PID1: variants seen among roughly 807,000 people sequenced by gnomAD.
PID1 encodes the protein PTB-containing, cubilin and LRP1-interacting protein.
Under a neutral mutation model 19.1 loss-of-function variants are expected in PID1, and 10 were observed. The observed-to-expected ratio is 0.52, with a 90% confidence interval of 0.32 to 0.89. The LOEUF (loss-of-function observed/expected upper bound fraction) is 0.89. Ranked by LOEUF, PID1 falls within the 40% of genes least tolerant of loss-of-function variation. The probability of loss-of-function intolerance (pLI) is 0.03; values close to 1 mark genes in which losing one functional copy is unlikely to be tolerated. For synonymous variants in PID1, 130 were observed against 116.0 expected, an observed-to-expected ratio of 1.12 and a Z score of -0.78; for missense variants, 248 against 285.3, an observed-to-expected ratio of 0.87 and a Z score of 0.94.
chr2:229,124,997 G>A (rs550283850), intron 2 of PID1, among the ~76,000 whole-genome samples: 242 of 152,278 alleles, frequency 1.6e-3, no homozygotes, highest in African/African-American at 5.7e-3. Context: ...GTGAGTGTGT[G>A]TCTGTTGGTA....
intron 1 of PID1, among the ~76,000 whole-genome samples, chr2:229,231,559 G>A (rs1327722273): frequency 4.6e-5 from 7 of 152,014 alleles, no homozygotes; most frequent in East Asian, 1.9e-4. Flanking sequence ...TACAAGTGAC[G>A]ACGATAGAGC....
At chr2:229,048,384 A>C (rs946744961) in intron 2 of PID1, among the ~76,000 whole-genome samples, 3 of 152,154 alleles carry the variant, frequency 2.0e-5, no homozygotes, top group African/African-American at 7.2e-5. Context: ...GCCCAGGAGG[A>C]GGGAATCCTC....
chr2:229,232,160 A>C, intron 1 of PID1: 2 of 1,433,186 alleles, frequency 1.4e-6, no homozygotes, highest in Non-Finnish European at 1.8e-6. Flanking sequence ...GCAGTGGCTC[A>C]CGCCTGTAAT....
intron 1 of PID1, among the ~76,000 whole-genome samples, chr2:229,174,381 A>G (rs1258718456): frequency 6.6e-6 from 1 of 152,248 alleles, no homozygotes; most frequent in African/African-American, 2.4e-5. Context: ...AGAAAGAGAA[A>G]GAAGCATTAT....
intron 2 of PID1, among the ~76,000 whole-genome samples, chr2:229,139,987 C>T (rs78275986): frequency 0.012 from 1,798 of 152,148 alleles, 35 homozygotes; most frequent in African/African-American, 0.041. Flanking sequence ...ATTTTCTCCT[C>T]CTGAAACAAT....
chr2:229,131,980 A>G (rs1689751973), intron 2 of PID1, among the ~76,000 whole-genome samples: 1 of 152,168 alleles, frequency 6.6e-6, no homozygotes, highest in Admixed American at 6.5e-5. Context: ...GCTATCTTAG[A>G]AAAGAGCAAT....
rs1324873023 is a variant in PID1, at chr2:229,142,789, G to A, written c.177+13029C>T. Among the ~76,000 whole-genome samples the A allele has an allele frequency of 3.9e-5, 6 of 152,118 alleles. No homozygotes were observed. The East Asian group carries it at 9.7e-4, about 24-fold the overall frequency. On this transcript the variant is annotated intron_variant, in intron 2 of 2. Transcript: ENST00000392055. ...CACCCCTTGTGGAAGTCAGTATGGCGATTCCTCAGGGATCTAGAACTAGAA... is the reference window on the plus strand; with the variant it reads ...CACCCCTTGTGGAAGTCAGTATGGCAATTCCTCAGGGATCTAGAACTAGAA...
intron 2 of PID1, among the ~76,000 whole-genome samples, chr2:229,152,996 C>T (rs888933329): frequency 2.6e-5 from 4 of 152,120 alleles, no homozygotes; most frequent in Non-Finnish European, 5.9e-5. Context: ...TCCTGGGAGG[C>T]GTGAGCCCGA....
intron 2 of PID1, among the ~76,000 whole-genome samples, chr2:229,105,811 G>T (rs993189934): frequency 6.6e-6 from 1 of 152,212 alleles, no homozygotes; most frequent in Non-Finnish European, 1.5e-5. Flanking sequence ...TGGGCACAGT[G>T]GCTCACGCCT....
At position 229,128,989 on chromosome 2, in the gene PID1, C is replaced by T. The variant is rs144978664; in HGVS notation, c.177+26829G>A. 6.6e-5 allele frequency among the ~76,000 whole-genome samples: 10 copies of T among 152,270 alleles called. No individual in the cohort carries two copies. In the East Asian group the frequency reaches 1.7e-3, roughly 26 times the overall value. On this transcript the variant is annotated intron_variant, in intron 2 of 2. Coordinates refer to ENST00000392055, the MANE Select transcript of PID1 (RefSeq NM_001100818.2). ...TTCACATTGCATGCCTGTATCAAAACATCTCATGTACCCCATACATATACA... is the reference window on the plus strand; with the variant it reads ...TTCACATTGCATGCCTGTATCAAAATATCTCATGTACCCCATACATATACA...
At chr2:229,122,246 C>T (rs980227974) in intron 2 of PID1, among the ~76,000 whole-genome samples, 5 of 152,150 alleles carry the variant, frequency 3.3e-5, no homozygotes, top group East Asian at 1.9e-4. Flanking sequence ...GTTTTTACAC[C>T]ATTAACAATA....
intron 1 of PID1, among the ~76,000 whole-genome samples, chr2:229,236,996 A>ACG (rs1436354935): frequency 6.6e-6 from 1 of 150,816 alleles, no homozygotes; most frequent in Non-Finnish European, 1.5e-5. Flanking sequence ...ATACACACAC[A>ACG]CACACACACA....
chr2:229,254,398 T>A (rs2106286328), intron 1 of PID1, among the ~76,000 whole-genome samples: 1 of 152,330 alleles, frequency 6.6e-6, no homozygotes, highest in Non-Finnish European at 1.5e-5. Context: ...AAACTACAAC[T>A]AATGCTATTA....
At chr2:229,111,030 T>G (rs776613333) in intron 2 of PID1, among the ~76,000 whole-genome samples, 3 of 152,144 alleles carry the variant, frequency 2.0e-5, no homozygotes, top group Non-Finnish European at 2.9e-5. Flanking sequence ...TCTCATGAGA[T>G]CTGATGCTTT....
At chr2:229,118,907 A>G (rs536212664) in intron 2 of PID1, among the ~76,000 whole-genome samples, 1 of 152,340 alleles carries the variant, frequency 6.6e-6, no homozygotes, top group South Asian at 2.1e-4. Context: ...ATCTCTCAAG[A>G]GTAAGAGTCT....
At chr2:229,174,140 C>T (rs1690765444) in intron 1 of PID1, among the ~76,000 whole-genome samples, 1 of 152,176 alleles carries the variant, frequency 6.6e-6, no homozygotes, top group Non-Finnish European at 1.5e-5. Flanking sequence ...TCAGTGTTTG[C>T]TCAGGTTTCT....
chr2:229,058,060 T>A (rs1356882878), intron 2 of PID1, among the ~76,000 whole-genome samples: 1 of 152,150 alleles, frequency 6.6e-6, no homozygotes, highest in Non-Finnish European at 1.5e-5. Context: ...GTCCCCCAGG[T>A]AGAGGAGAAG....
At chr2:229,069,450 T>C (rs1022233587) in intron 2 of PID1, among the ~76,000 whole-genome samples, 6 of 152,070 alleles carry the variant, frequency 3.9e-5, no homozygotes, top group Admixed American at 3.9e-4. Flanking sequence ...TATGGGACTT[T>C]AGGCAATGGA....
In PID1 at chr2:229,107,753, C is replaced by T. The variant is rs115799622; in HGVS notation, c.177+48065G>A. Among the ~76,000 whole-genome samples the T allele has an allele frequency of 1.7e-3, 257 of 152,260 alleles. 1 individual carries two copies. The highest frequency in any genetic ancestry group is 5.8e-3 in the African/African-American group (239 of 41,560). ...AAAATAGTGAGACACCCTCAGCATACAAACGCGTCTCTACTCTAAATGTGT... is the reference window on the plus strand; with the variant it reads ...AAAATAGTGAGACACCCTCAGCATATAAACGCGTCTCTACTCTAAATGTGT... On this transcript the variant is annotated intron_variant, in intron 2 of 2. Coordinates refer to ENST00000392055, the MANE Select transcript of PID1 (RefSeq NM_001100818.2).
Sources: allele counts gnomAD v4.1 joint callset (sites outside exome capture counted in the v4.1 genomes callset), GRCh38; gene constraint gnomAD v4.1.1; transcripts MANE v1.5; gene names NCBI Gene and HGNC (gene_info 2026-07-23, HGNC 2026-07-21).